The following ECPAS variants were observed in gnomAD, a reference collection of about 807,000 sequenced individuals.
ECPAS encodes Ecm29 proteasome adaptor and scaffold, also known as proteasome adapter and scaffold protein ECM29.
Under a neutral mutation model 255.1 loss-of-function variants are expected in ECPAS, and 70 were observed. The ratio of observed to expected loss-of-function variants is 0.27; its 90% confidence interval spans 0.23 to 0.33. The LOEUF is 0.33. Among genes scored for constraint, ECPAS ranks in the 10% least tolerant of loss-of-function variants. The pLI is 1.00. For missense variants in ECPAS, 1,817 were observed against 2,206.4 expected (o/e 0.82, Z 3.54); for synonymous variants, 784 against 775.0 (o/e 1.01, Z -0.19).
chr9:111,371,368 C>G (rs191722817), intron 43 of ECPAS, among the ~76,000 whole-genome samples: 3 of 152,258 alleles, frequency 2.0e-5, no homozygotes, highest in Admixed American at 1.3e-4. Context: ...TAAGACGTAA[C>G]TTGGAAGGCT....
intron 3 of ECPAS, among the ~76,000 whole-genome samples, chr9:111,444,796 C>T (rs775855672): frequency 6.6e-6 from 1 of 152,100 alleles, no homozygotes; most frequent in African/African-American, 2.4e-5. Flanking sequence ...CTGCAACCTC[C>T]GCCTCCCCGA....
intron 29 of ECPAS, among the ~76,000 whole-genome samples, chr9:111,390,958 C>T (rs1322474115): frequency 6.6e-6 from 1 of 152,200 alleles, no homozygotes; most frequent in Admixed American, 6.5e-5. Flanking sequence ...CAGCTGTTGG[C>T]CTAGTCAGTC....
rs115511396 is a variant in ECPAS, at chr9:111,368,591, G to A, written c.5113+444C>T. ...AATAGAAGACAGAGCCTTTAAAGAG[G>A]TCATATGAGTGGGCCCTAATCCAGC... On this transcript the variant is annotated intron_variant, in intron 46 of 49. Transcript: ENST00000684092. Among the ~76,000 whole-genome samples the A allele has an allele frequency of 2.3e-3, 354 of 152,272 alleles. 4 individuals carry two copies. Among genetic ancestry groups the A allele is most frequent in the African/African-American group, 8.3e-3 (347 of 41,564 alleles).
intron 2 of ECPAS, among the ~76,000 whole-genome samples, chr9:111,462,947 G>T (rs770833249): frequency 3.9e-5 from 6 of 151,932 alleles, no homozygotes; most frequent in Non-Finnish European, 8.8e-5. Flanking sequence ...TCGCCATGTT[G>T]GTCAGGCTGG....
intron 42 of ECPAS, 140 bp downstream of exon 42, chr9:111,372,289 G>T: frequency 1.3e-6 from 1 of 794,244 alleles, no homozygotes; most frequent in Non-Finnish European, 2.1e-6. Flanking sequence ...TGAGCAATTT[G>T]GATGGGTTTA....
In ECPAS at chr9:111,381,475, G is replaced by A. The variant is rs551960197; in HGVS notation, c.3803+1736C>T. Among the ~76,000 whole-genome samples the A allele has an allele frequency of 7.2e-5, 11 of 152,150 alleles. No individual in the cohort carries two copies. In the South Asian group the frequency reaches 1.4e-3, roughly 20 times the overall value. On this transcript the variant is annotated intron_variant, in intron 35 of 49. Coordinates refer to ENST00000684092, the MANE Select transcript of ECPAS (RefSeq NM_001364929.1). Reference sequence around the variant, plus strand: ...ATAGTAATGCAAAGTATGAAATACCGTGAGAATTACCAAAATATGACATAG... The same window carrying A: ...ATAGTAATGCAAAGTATGAAATACCATGAGAATTACCAAAATATGACATAG...
chr9:111,428,271 C>G, intron 9 of ECPAS, 110 bp from the exon 10 acceptor site: 2 of 956,078 alleles, frequency 2.1e-6, no homozygotes. Context: ...TTTCAAGATC[C>G]CTTTACACTC....
chr9:111,484,137 T>C lies in ECPAS; in HGVS notation c.-104A>G. 2.1e-6 allele frequency: 3 copies of C among 1,461,456 alleles called. No individual in the cohort carries two copies. Among genetic ancestry groups the C allele is most frequent in the Non-Finnish European group, 2.7e-6 (3 of 1,109,540 alleles). 90.5% of individuals were successfully genotyped at this position (1,461,456 alleles called of 1,614,324 possible). On this transcript the variant is annotated 5_prime_UTR_variant, in exon 1 of 50. It removes an upstream start codon present in the reference 5' UTR. Transcript: ENST00000684092. ...TGACCTGAGTCGGAGCCGGTCTCCA[T>C]GCCGCGGACGCTGCGCTCGGCGCCG...
At chr9:111,413,741 ACATGCTTCC>A (rs2098198557) in intron 20 of ECPAS, among the ~76,000 whole-genome samples, 145 bp downstream of exon 20, 1 of 152,096 alleles carries the variant, frequency 6.6e-6, no homozygotes, top group South Asian at 2.1e-4. Flanking sequence ...ATAGTGACCT[ACATGCTTCC>A]CAGTAAGTGT....
At chr9:111,444,664 G>T (rs969650802) in intron 3 of ECPAS, among the ~76,000 whole-genome samples, 170 bp from the exon 4 acceptor site, 1 of 152,148 alleles carries the variant, frequency 6.6e-6, no homozygotes, top group African/African-American at 2.4e-5. Flanking sequence ...CATGAATCTT[G>T]TTCAAAAATA....
At chr9:111,441,071 G>A (rs1282354301) in intron 5 of ECPAS, among the ~76,000 whole-genome samples, 1 of 151,368 alleles carries the variant, frequency 6.6e-6, no homozygotes. Context: ...AGAATGGAGT[G>A]AACCCGGGAG....
In ECPAS at chr9:111,373,385, A is replaced by G; in HGVS notation, c.4199T>C (p.Leu1400Pro). 6.2e-7 allele frequency: 1 copy of G among 1,613,878 alleles called. No individual in the cohort carries two copies. The highest frequency in any genetic ancestry group is 8.5e-7 in the Non-Finnish European group (1 of 1,179,802). ...ACTGTTCCGATCTGTCAGGCCACTC[A>G]GCAAAGCACTCATAAGTTTACCTAC... ...PYSGKLMSAL[L>P]SGLTDRNSVI... Residue 1400 changes from leucine (L) to proline (P), a missense_variant, in exon 40 of 50, where the codon CTG becomes CCG. By Grantham distance (98) the Leu-to-Pro change is moderately conservative. Coordinates refer to ENST00000684092, the MANE Select transcript of ECPAS (RefSeq NM_001364929.1).
At chr9:111,482,444 A>G (rs1589250592) in intron 1 of ECPAS, among the ~76,000 whole-genome samples, 2 of 152,254 alleles carry the variant, frequency 1.3e-5, no homozygotes, top group African/African-American at 4.8e-5. Flanking sequence ...GATCATGTAT[A>G]TAAAAGTGGC....
At chr9:111,471,583 T>C (rs952681058) in intron 2 of ECPAS, among the ~76,000 whole-genome samples, 1 of 152,176 alleles carries the variant, frequency 6.6e-6, no homozygotes, top group Non-Finnish European at 1.5e-5. Context: ...AGGAACTCAC[T>C]GGATATTGAG....
intron 25 of ECPAS, among the ~76,000 whole-genome samples, chr9:111,394,847 G>GA (rs1419078880): frequency 3.3e-5 from 5 of 152,080 alleles, no homozygotes; most frequent in African/African-American, 9.7e-5. Context: ...TGTCTAGGGG[G>GA]AAAAATCTCA....
At chr9:111,438,039 C>A (rs1398495218) in intron 6 of ECPAS, among the ~76,000 whole-genome samples, 1 of 152,078 alleles carries the variant, frequency 6.6e-6, no homozygotes, top group African/African-American at 2.4e-5. Context: ...TCATTCAATT[C>A]CTAAATTTAT....
intron 1 of ECPAS, among the ~76,000 whole-genome samples, chr9:111,475,780 G>T (rs1057141020): frequency 4.4e-4 from 66 of 150,180 alleles, no homozygotes; most frequent in Middle Eastern, 3.5e-3. Context: ...AAAAAAATCA[G>T]AATGGAAATT....
rs76327781 is a variant in ECPAS at position 111,472,721 on chromosome 9, G to C, written c.22+176C>G. ...TTTATGTTTAGCATTACAGAGAATA[G>C]AGGCTTCAGGCATTTGTAAATTAAC... On this transcript the variant is annotated intron_variant, in intron 2 of 49. Coordinates refer to ENST00000684092, the MANE Select transcript of ECPAS (RefSeq NM_001364929.1). Among the ~76,000 whole-genome samples the C allele has an allele frequency of 2.0e-5, 3 of 150,234 alleles. No individual in the cohort carries two copies. The East Asian group carries it at 5.9e-4, about 29-fold the overall frequency.
At chr9:111,394,088 C>G in intron 26 of ECPAS, 72 bp downstream of exon 26, 1 of 1,396,012 alleles carries the variant, frequency 7.2e-7, no homozygotes, top group Non-Finnish European at 9.6e-7. Flanking sequence ...TGACCTTCAC[C>G]CTCATATGCT....
Sources: allele counts gnomAD v4.1 joint callset (sites outside exome capture counted in the v4.1 genomes callset), GRCh38; gene constraint gnomAD v4.1.1; transcripts MANE v1.5; gene names NCBI Gene and HGNC (gene_info 2026-07-23, HGNC 2026-07-21).